C16orf46: variants seen among roughly 807,000 people sequenced by gnomAD.
C16orf46 encodes uncharacterized protein C16orf46.
A neutral mutation model predicts 5.5 loss-of-function variants in C16orf46; 7 were observed. The ratio of observed to expected loss-of-function variants is 1.28; its 90% CI spans 0.73 to 2.40. C16orf46 has a LOEUF of 2.40. C16orf46 is among the 30% of genes most tolerant of loss of function. C16orf46 has a pLI of 0.00. For synonymous variants in C16orf46, 200 were observed against 184.1 expected, an observed-to-expected ratio of 1.09 and a Z score of -0.70; for missense variants, 614 against 476.0, an observed-to-expected ratio of 1.29 and a Z score of -2.70.
Position 81,061,254 on chromosome 16 carries a change from T to C in C16orf46, c.1095A>G (p.Gln365=). 1 of 1,614,064 alleles carries C rather than the reference T, an allele frequency of 6.2e-7. No homozygotes were observed. Among genetic ancestry groups the C allele is most frequent in the Non-Finnish European group, 8.5e-7 (1 of 1,179,998 alleles). The change falls in exon 4 of 4, where the codon CAA becomes CAG. Residue 365 remains glutamine, a synonymous_variant. Coordinates refer to ENST00000299578, the MANE Select transcript of C16orf46 (RefSeq NM_152337.3). ...TTGGGAAAACTTTGGTCTCCAGCAT[T>C]TGGGGCCTGTTTTCCTGCTTGGCCT... ...LPKAKQENRP[Q]MLETKVFPRP... is the part of the protein sequence containing the mutation.
In C16orf46 at chr16:81,061,345, T is replaced by C. The variant is rs758812004; in HGVS notation, c.1004A>G (p.Tyr335Cys). The C allele has an allele frequency of 3.7e-6, 6 of 1,614,136 alleles. No homozygotes were observed. Among genetic ancestry groups the C allele is most frequent in the Non-Finnish European group, 5.1e-6 (6 of 1,180,020 alleles). The change falls in exon 4 of 4, where the codon TAC (tyrosine) becomes TGC (cysteine). Residue 335 changes from tyrosine to cysteine, a missense_variant. Physicochemically the swap from Tyr to Cys is radical, Grantham distance 194 (BLOSUM62 -2). Coordinates refer to ENST00000299578, the MANE Select transcript of C16orf46 (RefSeq NM_152337.3). ...CTCCTTGGCTTTGAATTTGGATTTGTAGCTTTGCACTCCCCGTTTCTGCAG... is the reference window on the plus strand; with the variant it reads ...CTCCTTGGCTTTGAATTTGGATTTGCAGCTTTGCACTCCCCGTTTCTGCAG... Reference protein sequence around the residue: ...QLLQKRGVQSYKSKFKAKEPR... With the variant: ...QLLQKRGVQSCKSKFKAKEPR...
At chr16:81,058,058 A>AC (rs1469712296), downstream of C16orf46, 51 of 173,604 alleles carry the variant, frequency 2.9e-4, 1 homozygote, top group East Asian at 2.8e-3. Context: ...ACAAAACAAA[A>AC]CAAAACCTGA....
In C16orf46 at chr16:81,062,050, C is replaced by T. The variant is rs747775575; in HGVS notation, c.299G>A (p.Ser100Asn). 1.2e-6 allele frequency: 2 copies of T among 1,613,108 alleles called. No individual in the cohort carries two copies. Among genetic ancestry groups the T allele is most frequent in the African/African-American group, 2.7e-5 (2 of 74,906 alleles). The change falls in exon 4 of 4, where the codon AGC becomes AAC. Residue 100 changes from serine to asparagine, a missense_variant. By Grantham distance (46) the Ser-to-Asn change is conservative. Coordinates refer to ENST00000299578, the MANE Select transcript of C16orf46 (RefSeq NM_152337.3). ...KKARVGEGAC[S>N]DCLVCVNLSH... ...GAGGTTAACACACACCAAGCAGTCGCTGCAGGCACCTTCCCCTACCCTCGC... is the reference window on the plus strand; with the variant it reads ...GAGGTTAACACACACCAAGCAGTCGTTGCAGGCACCTTCCCCTACCCTCGC...
rs1193871587 is a variant in C16orf46 at position 81,054,143 on chromosome 16, A to G, written c.1144-49T>C. 1.9e-6 allele frequency: 3 copies of G among 1,574,210 alleles called. No homozygotes were observed. In the African/African-American group the frequency reaches 4.1e-5, roughly 21 times the overall value. ...TCAGAAAATGTAGAGCCCATGCTGC[A>G]ATGAAAATGTGGCAGAAGTCAATGC... On this transcript the variant is annotated intron_variant, in intron 3 of 3. Transcript: ENST00000378611.
Position 81,061,117 on chromosome 16 carries a change from G to A in C16orf46, c.*44C>T. ...GAGAGAAGAAAGAGAAAGGATGGCTGCATCTCAAACGGTGCTTATTCCCAG... is the reference window on the plus strand; with the variant it reads ...GAGAGAAGAAAGAGAAAGGATGGCTACATCTCAAACGGTGCTTATTCCCAG... On this transcript the variant is annotated 3_prime_UTR_variant, in exon 4 of 4. Transcript: ENST00000299578. 1 of 1,530,450 alleles carries A rather than the reference G, an allele frequency of 6.5e-7. No individual in the cohort carries two copies. The highest frequency in any genetic ancestry group is 8.8e-7 in the Non-Finnish European group (1 of 1,140,200). 94.8% of individuals were successfully genotyped at this position (1,530,450 alleles called of 1,614,324 possible). A position where few individuals can be genotyped will look rare whatever the true frequency, so the allele number is the denominator to read the frequency against.
At position 81,061,704 on chromosome 16, in the gene C16orf46, C is replaced by T; in HGVS notation, c.645G>A (p.Lys215=). 1 of 1,614,132 alleles carries T rather than the reference C, an allele frequency of 6.2e-7. No individual in the cohort carries two copies. The highest frequency in any genetic ancestry group is 8.5e-7 in the Non-Finnish European group (1 of 1,180,030). The part of the protein sequence containing the change: ...SRALLVLPPL[K]ASLSNALDVL... ...CATCCAAAGCATTTGAAAGTGAAGCCTTCAGGGGAGGCAGAACTAGGAGGG... is the reference window on the plus strand; with the variant it reads ...CATCCAAAGCATTTGAAAGTGAAGCTTTCAGGGGAGGCAGAACTAGGAGGG... The change falls in exon 4 of 4, where the codon AAG becomes AAA. Residue 215 remains lysine (K), a synonymous_variant. Coordinates refer to ENST00000299578, the MANE Select transcript of C16orf46 (RefSeq NM_152337.3).
At chr16:81,072,546 G>C (rs1381607507) in intron 1 of C16orf46, among the ~76,000 whole-genome samples, 1 of 151,946 alleles carries the variant, frequency 6.6e-6, no homozygotes, top group Non-Finnish European at 1.5e-5. Flanking sequence ...CATCATGCCA[G>C]GCTAATTTTG....
At chr16:81,073,775 G>T (rs913679054) in intron 1 of C16orf46, among the ~76,000 whole-genome samples, 3 of 151,710 alleles carry the variant, frequency 2.0e-5, no homozygotes, top group Non-Finnish European at 4.4e-5. Flanking sequence ...GAATGTGGAT[G>T]GCATTTAGGA....
At chr16:81,067,429 C>T (rs1364109710) in intron 1 of C16orf46, among the ~76,000 whole-genome samples, 1 of 152,270 alleles carries the variant, frequency 6.6e-6, no homozygotes, top group Middle Eastern at 3.4e-3. Flanking sequence ...TGTAATAAAA[C>T]TTTTAAAGCC....
At chr16:81,063,488 CAT>C (rs2151750762) in intron 3 of C16orf46, among the ~76,000 whole-genome samples, 2 of 152,160 alleles carry the variant, frequency 1.3e-5, no homozygotes, top group East Asian at 3.9e-4. Flanking sequence ...AAACTTGCCC[CAT>C]ATGGCTATTG....
At position 81,076,191 on chromosome 16, in the gene C16orf46, C is replaced by A. The variant is rs567682493; in HGVS notation, c.-128+945G>T. On this transcript the variant is annotated intron_variant, in intron 1 of 3. Transcript: ENST00000299578. ...AGGACCAATCTTCACTTACATGAAC[C>A]AGTTAAATAGGTCCTGAAGACTGAC... Among the ~76,000 whole-genome samples, 3 of 152,248 alleles carry A rather than the reference C, an allele frequency of 2.0e-5. No individual in the cohort carries two copies. The South Asian group carries it at 6.2e-4, about 32-fold the overall frequency.
chr16:81,065,899 G>C (rs180764326), intron 2 of C16orf46, among the ~76,000 whole-genome samples: 1 of 151,920 alleles, frequency 6.6e-6, no homozygotes, highest in Admixed American at 6.6e-5. Context: ...GAGTGCAGTG[G>C]TGCGATCTTA....
chr16:81,062,634 G>A (rs1403918301), intron 3 of C16orf46, among the ~76,000 whole-genome samples: 1 of 152,176 alleles, frequency 6.6e-6, no homozygotes, highest in African/African-American at 2.4e-5. Flanking sequence ...AGAGGCTGGA[G>A]GGAGACCGAG....
At chr16:81,070,120 A>G (rs914441360) in intron 1 of C16orf46, among the ~76,000 whole-genome samples, 1 of 151,850 alleles carries the variant, frequency 6.6e-6, no homozygotes, top group Non-Finnish European at 1.5e-5. Context: ...GTGAGACTCC[A>G]TCTCAAAAAA....
rs1226955702 is a variant in C16orf46, at chr16:81,061,276, G to A, written c.1073C>T (p.Ala358Val). Residue 358 changes from alanine (A) to valine (V), a missense_variant, in exon 4 of 4, where the codon GCC becomes GTC. Ala to Val is a moderately conservative substitution (Grantham distance 64, BLOSUM62 0). Coordinates refer to ENST00000299578, the MANE Select transcript of C16orf46 (RefSeq NM_152337.3). The part of the protein sequence containing the change: ...VITRKHVLPK[A>V]KQENRPQMLE... ...CATTTGGGGCCTGTTTTCCTGCTTG[G>A]CCTTTGGGAGAACATGCTTTCGGGT... The A allele has an allele frequency of 1.2e-6, 2 of 1,614,138 alleles. No homozygotes were observed. The highest frequency in any genetic ancestry group is 1.7e-5 in the Admixed American group (1 of 60,014).
intron 1 of C16orf46, among the ~76,000 whole-genome samples, chr16:81,073,951 T>A (rs1563077): frequency 0.11 from 17,028 of 152,204 alleles, 1,013 homozygotes; most frequent in East Asian, 0.21. Context: ...GAACAAAGCA[T>A]CAACAGAAAA....
intron 1 of C16orf46, among the ~76,000 whole-genome samples, chr16:81,070,707 G>A (rs1381295412): frequency 6.6e-6 from 1 of 152,010 alleles, no homozygotes. Flanking sequence ...TTATTTTTGA[G>A]ACGCAGTTTT....
intron 1 of C16orf46, among the ~76,000 whole-genome samples, chr16:81,074,463 C>A (rs536081005): frequency 2.6e-5 from 4 of 152,124 alleles, no homozygotes; most frequent in Non-Finnish European, 5.9e-5. Context: ...CAGCTCCCTG[C>A]AACCTCTGCC....
At chr16:81,076,770 C>T (rs1972056600) in intron 1 of C16orf46, among the ~76,000 whole-genome samples, 1 of 151,990 alleles carries the variant, frequency 6.6e-6, no homozygotes, top group African/African-American at 2.4e-5. Flanking sequence ...CAGGCTCCTC[C>T]CTTTATGCCA....
Sources: allele counts gnomAD v4.1 joint callset (sites outside exome capture counted in the v4.1 genomes callset), GRCh38; gene constraint gnomAD v4.1.1; transcripts MANE v1.5; gene names NCBI Gene and HGNC (gene_info 2026-07-23, HGNC 2026-07-21).